The following ITPR2 variants were observed in gnomAD, a reference collection of about 807,000 sequenced individuals.
The protein encoded by ITPR2 is inositol 1,4,5-trisphosphate-gated calcium channel ITPR2.
A neutral mutation model predicts 317.1 loss-of-function variants in ITPR2; 207 were observed. The observed-to-expected ratio is 0.65, with a 90% CI of 0.58 to 0.73. The LOEUF is 0.73. ITPR2 is among the 30% of genes least tolerant of loss of function. The pLI is 0.00. For synonymous variants in ITPR2, 1,156 were observed against 1,149.1 expected, an observed-to-expected ratio of 1.01 and a Z score of -0.12; for missense variants, 2,613 against 3,284.0, an observed-to-expected ratio of 0.80 and a Z score of 4.99.
chr12:26,447,797 A>C (rs1352779564), intron 45 of ITPR2, among the ~76,000 whole-genome samples: 1 of 152,084 alleles, frequency 6.6e-6, no homozygotes, highest in Admixed American at 6.6e-5. Context: ...CTAAAAGCAC[A>C]ATACAATGTC....
intron 21 of ITPR2, among the ~76,000 whole-genome samples, chr12:26,652,145 T>C (rs1452625174): frequency 6.6e-6 from 1 of 152,208 alleles, no homozygotes; most frequent in African/African-American, 2.4e-5. Flanking sequence ...ACGATCCCTT[T>C]TCTCTTCCCC....
rs769018673 is a variant in ITPR2, at chr12:26,715,754, C to T, written c.706G>A (p.Gly236Arg). Residue 236 changes from glycine to arginine, a missense_variant and splice_region_variant, in exon 7 of 57, where the codon GGA becomes AGA. Physicochemically the swap from Gly to Arg is moderately radical, Grantham distance 125 (BLOSUM62 -2). Transcript: ENST00000381340. ...YSSYREDVLK[G>R]GDVVRLFHAE... is the part of the protein sequence containing the mutation. ...TGTCCTGTGTAGCACATACTTACTC[C>T]TTTTAATACATCCTCTCGATAGGAA... 1.3e-6 allele frequency: 2 copies of T among 1,585,988 alleles called. No individual in the cohort carries two copies. Among genetic ancestry groups the T allele is most frequent in the Non-Finnish European group, 1.7e-6 (2 of 1,155,760 alleles).
At chr12:26,578,537 C>T (rs1354744838) in intron 34 of ITPR2, among the ~76,000 whole-genome samples, 176 bp downstream of exon 34, 3 of 152,108 alleles carry the variant, frequency 2.0e-5, no homozygotes, top group Non-Finnish European at 4.4e-5. Flanking sequence ...TTATATCCTC[C>T]TCCCAAAAAG....
At chr12:26,431,439 C>T (rs1333160966) in intron 48 of ITPR2, among the ~76,000 whole-genome samples, 2 of 152,208 alleles carry the variant, frequency 1.3e-5, no homozygotes, top group Non-Finnish European at 2.9e-5. Context: ...CATTCCTCAA[C>T]ATTGGCATGT....
intron 2 of ITPR2, among the ~76,000 whole-genome samples, chr12:26,774,415 G>T (rs1565753864): frequency 6.6e-6 from 1 of 152,148 alleles, no homozygotes; most frequent in Non-Finnish European, 1.5e-5. Flanking sequence ...GAGGTAAGAG[G>T]ATCATTTGAG....
chr12:26,521,632 GA>G (rs1943668279), intron 37 of ITPR2, among the ~76,000 whole-genome samples: 1 of 152,078 alleles, frequency 6.6e-6, no homozygotes, highest in Non-Finnish European at 1.5e-5. Flanking sequence ...AAAACAAGAC[GA>G]TCTTCGTAAA....
At chr12:26,575,242 C>T (rs1229520261) in intron 34 of ITPR2, among the ~76,000 whole-genome samples, 2 of 148,930 alleles carry the variant, frequency 1.3e-5, no homozygotes, top group Non-Finnish European at 3.0e-5. Context: ...AGGGATGTTG[C>T]TGAAGGTTGG....
chr12:26,488,615 T>C (rs1308382176), intron 39 of ITPR2, among the ~76,000 whole-genome samples: 4 of 152,164 alleles, frequency 2.6e-5, no homozygotes, highest in South Asian at 2.1e-4. Context: ...ACGGTAACCA[T>C]AGCAACCACA....
intron 1 of ITPR2, among the ~76,000 whole-genome samples, chr12:26,827,092 T>G (rs1184191425): frequency 6.6e-6 from 1 of 152,202 alleles, no homozygotes; most frequent in Non-Finnish European, 1.5e-5. Context: ...ACAAAAACTA[T>G]AACCTTAAGA....
intron 2 of ITPR2, among the ~76,000 whole-genome samples, chr12:26,766,629 C>T (rs1949724867): frequency 6.6e-6 from 1 of 152,106 alleles, no homozygotes; most frequent in African/African-American, 2.4e-5. Flanking sequence ...TTTATGAAGT[C>T]CAGTTTATCC....
chr12:26,510,004 G>GTGTGTGTGTGT (rs1555144482), intron 37 of ITPR2, among the ~76,000 whole-genome samples: 218 of 112,056 alleles, frequency 1.9e-3, no homozygotes, highest in Non-Finnish European at 3.1e-3. Context: ...GTGTGTGTGT[G>GTGTGTGTGTGT]GTGGGGGGTG....
At chr12:26,458,679 C>T (rs574950536) in intron 45 of ITPR2, among the ~76,000 whole-genome samples, 4 of 152,206 alleles carry the variant, frequency 2.6e-5, no homozygotes, top group African/African-American at 9.6e-5. Context: ...GGAAAACTTG[C>T]CCAAATAAAA....
intron 37 of ITPR2, among the ~76,000 whole-genome samples, chr12:26,527,236 G>A (rs1009327893): frequency 1.3e-5 from 2 of 152,112 alleles, no homozygotes; most frequent in African/African-American, 4.8e-5. Context: ...TACTCATGTG[G>A]CACACATTCT....
chr12:26,447,537 A>AG (rs1357116540), intron 45 of ITPR2, among the ~76,000 whole-genome samples: 1 of 31,854 alleles, frequency 3.1e-5, no homozygotes, highest in Non-Finnish European at 7.9e-5. Flanking sequence ...AAAAAAATCA[A>AG]GAAATATGCT....
chr12:26,405,389 A>C (rs1385546501), intron 52 of ITPR2, among the ~76,000 whole-genome samples: 1 of 152,222 alleles, frequency 6.6e-6, no homozygotes, highest in Non-Finnish European at 1.5e-5. Context: ...TTTTAAAACA[A>C]TAAACAAATT....
At chr12:26,361,175 A>T (rs1349286536) in intron 55 of ITPR2, among the ~76,000 whole-genome samples, 8 of 150,970 alleles carry the variant, frequency 5.3e-5, no homozygotes, top group African/African-American at 1.7e-4. Flanking sequence ...AGATGGCACC[A>T]CTGCACTCCA....
At chr12:26,740,716 T>A (rs562622434) in intron 2 of ITPR2, among the ~76,000 whole-genome samples, 79 of 152,330 alleles carry the variant, frequency 5.2e-4, no homozygotes, top group African/African-American at 1.1e-3. Context: ...TCGGTAAAAA[T>A]TTTAAAGCAA....
At chr12:26,721,452 T>C (rs1228000558) in intron 5 of ITPR2, 1 of 429,972 alleles carries the variant, frequency 2.3e-6, no homozygotes, top group Non-Finnish European at 4.1e-6. Flanking sequence ...AATCAAAGTT[T>C]CAACTGAAAA....
intron 55 of ITPR2, among the ~76,000 whole-genome samples, chr12:26,363,149 T>C (rs961953173): frequency 3.4e-4 from 51 of 152,122 alleles, no homozygotes; most frequent in African/African-American, 1.2e-3. Context: ...GAGCTCCACC[T>C]CCGGTCACAG....
Sources: gnomAD v4.1 joint callset for allele counts (sites outside exome capture counted in the v4.1 genomes callset) on GRCh38, gnomAD v4.1.1 for gene constraint, MANE v1.5 for transcripts, NCBI Gene and HGNC (gene_info 2026-07-23, HGNC 2026-07-21) for gene names.